Variants in VPS8 observed in about 807,000 individuals in gnomAD.
The protein encoded by VPS8 is vacuolar protein sorting-associated protein 8 homolog.
In VPS8, 129 loss-of-function variants were observed where a neutral mutation model predicts 216.4. The ratio of observed to expected loss-of-function variants is 0.60; its 90% CI spans 0.52 to 0.69. The LOEUF (loss-of-function observed/expected upper bound fraction) is 0.69, where lower values mean the gene tolerates loss of function less well. Among genes scored for constraint, VPS8 ranks in the 30% least tolerant of loss-of-function variants. VPS8 has a pLI of 0.00. For missense variants in VPS8, 1,531 were observed against 1,683.5 expected (o/e 0.91, Z 1.59); for synonymous variants, 571 against 565.4 (o/e 1.01, Z -0.14).
chr3:184,976,809 G>T lies in VPS8; in HGVS notation c.3420+5057G>T, dbSNP rs1749340320. Among the ~76,000 whole-genome samples, 3 of 152,040 alleles carry T rather than the reference G, an allele frequency of 2.0e-5. No individual in the cohort carries two copies. In the South Asian group the frequency reaches 6.2e-4, roughly 32 times the overall value. On this transcript the variant is annotated intron_variant, in intron 40 of 47. Coordinates refer to ENST00000625842, the MANE Select transcript of VPS8 (RefSeq NM_001009921.3). ...AGGACATGATTTCATTCTTTTTATG[G>T]CTGCATAGTATTCCATGGTGTATAT...
chr3:185,016,018 G>C (rs1480316067), intron 45 of VPS8, among the ~76,000 whole-genome samples: 1 of 152,144 alleles, frequency 6.6e-6, no homozygotes, highest in Non-Finnish European at 1.5e-5. Flanking sequence ...CTTGCTTTTT[G>C]ATTAGCTGCA....
At chr3:184,910,261 C>A (rs1478421149) in intron 25 of VPS8, among the ~76,000 whole-genome samples, 1 of 151,774 alleles carries the variant, frequency 6.6e-6, no homozygotes, top group Non-Finnish European at 1.5e-5. Flanking sequence ...GGCCTCCCGG[C>A]AAGATTCTCC....
intron 1 of VPS8, among the ~76,000 whole-genome samples, chr3:184,820,088 GTGT>G (rs946007291): frequency 2.6e-5 from 4 of 152,156 alleles, no homozygotes; most frequent in African/African-American, 9.7e-5. Context: ...GTTCAAACCT[GTGT>G]TGTTCAAGGA....
At chr3:184,951,249 G>C (rs531897760) in intron 36 of VPS8, among the ~76,000 whole-genome samples, 2 of 152,204 alleles carry the variant, frequency 1.3e-5, no homozygotes, top group South Asian at 4.1e-4. Context: ...ACTTTAGGAG[G>C]CTGAGGCAGG....
chr3:184,815,923 G>A (rs1716223089), intron 1 of VPS8: 1 of 151,930 alleles, frequency 6.6e-6, no homozygotes, highest in African/African-American at 2.4e-5. Context: ...AATAAAGAAG[G>A]CCATCATCTA....
intron 22 of VPS8, chr3:184,893,507 T>C (rs1005093742): frequency 1.4e-5 from 7 of 496,042 alleles, no homozygotes; most frequent in Non-Finnish European, 1.9e-5. Context: ...AATGAAAACA[T>C]GGAAAATATT....
chr3:184,983,145 TTATA>T, intron 42 of VPS8, 51 bp downstream of exon 42: 1 of 1,446,336 alleles, frequency 6.9e-7, no homozygotes, highest in Non-Finnish European at 9.3e-7. Context: ...AACATTTTAG[TTATA>T]TATAAATAAC....
At chr3:184,857,276 C>T (rs1176708796) in intron 14 of VPS8, among the ~76,000 whole-genome samples, 8 of 152,314 alleles carry the variant, frequency 5.3e-5, no homozygotes, top group Middle Eastern at 3.4e-3. Context: ...TCTGGCCAGC[C>T]GTCTGTTTTT....
chr3:185,030,627 T>C (rs537628383), intron 46 of VPS8, among the ~76,000 whole-genome samples: 88 of 152,346 alleles, frequency 5.8e-4, no homozygotes, highest in Non-Finnish European at 9.0e-4. Flanking sequence ...CAAAGGACAG[T>C]GAAGAAATAC....
At chr3:185,017,955 AT>A (rs1372842049) in intron 45 of VPS8, among the ~76,000 whole-genome samples, 1 of 151,944 alleles carries the variant, frequency 6.6e-6, no homozygotes, top group African/African-American at 2.4e-5. Flanking sequence ...AGCAGTTTTC[AT>A]TTTTTCCCTC....
Position 184,915,035 on chromosome 3 carries a change from T to C in VPS8, c.2244T>C (p.Val748=). 2 of 1,614,018 alleles carry C rather than the reference T, an allele frequency of 1.2e-6. No homozygotes were observed. The highest frequency in any genetic ancestry group is 1.7e-6 in the Non-Finnish European group (2 of 1,179,876). The change falls in exon 27 of 48, where the codon GTT becomes GTC. Residue 748 remains valine, a synonymous_variant. Coordinates refer to ENST00000625842, the MANE Select transcript of VPS8 (RefSeq NM_001009921.3). ...YPLGDIPEDL[V]PLVKNQVFEF... Reference sequence around the variant, plus strand: ...TTGGTGACATCCCTGAAGATCTGGTTCCCTTGGTTAAAAACCAGGTTGGTA... The same window carrying C: ...TTGGTGACATCCCTGAAGATCTGGTCCCCTTGGTTAAAAACCAGGTTGGTA...
intron 44 of VPS8, among the ~76,000 whole-genome samples, chr3:184,998,036 T>C (rs1156599119): frequency 2.0e-5 from 3 of 150,408 alleles, no homozygotes; most frequent in Non-Finnish European, 3.0e-5. Flanking sequence ...TCTTGAGGAG[T>C]AGTGAGTGAG....
At chr3:184,886,563 T>TC (rs1731305167) in intron 22 of VPS8, among the ~76,000 whole-genome samples, 4 of 146,338 alleles carry the variant, frequency 2.7e-5, no homozygotes, top group Non-Finnish European at 6.0e-5. Context: ...ACACACACAT[T>TC]CTTCTTTTTT....
chr3:185,051,247 G>A (rs1193662441), intron 47 of VPS8, among the ~76,000 whole-genome samples: 2 of 152,170 alleles, frequency 1.3e-5, no homozygotes, highest in Non-Finnish European at 2.9e-5. Context: ...GCCACTGACA[G>A]AACGAGGGTA....
chr3:184,838,291 ATTG>A, intron 5 of VPS8, among the ~76,000 whole-genome samples: 1 of 152,288 alleles, frequency 6.6e-6, no homozygotes, highest in Non-Finnish European at 1.5e-5. Context: ...TTATTAGGTA[ATTG>A]GTAGATAGGA....
At chr3:184,944,539 G>T (rs997551279) in intron 36 of VPS8, 1 of 985,286 alleles carries the variant, frequency 1.0e-6, no homozygotes, top group African/African-American at 1.7e-5. Context: ...AATACAAAAG[G>T]ACACGTGTTT....
At chr3:184,893,367 A>C (rs762924340) in intron 22 of VPS8, 6 of 1,192,852 alleles carry the variant, frequency 5.0e-6, no homozygotes, top group Non-Finnish European at 6.5e-6. Flanking sequence ...CATGATATAC[A>C]TATAAAGAAA....
chr3:184,909,111 G>A (rs540223945), intron 25 of VPS8, among the ~76,000 whole-genome samples: 4 of 152,280 alleles, frequency 2.6e-5, no homozygotes, highest in African/African-American at 9.6e-5. Flanking sequence ...ACTACCCCCT[G>A]TCGCTATCAA....
chr3:184,851,592 C>T (rs1724276983), intron 10 of VPS8, among the ~76,000 whole-genome samples: 1 of 152,076 alleles, frequency 6.6e-6, no homozygotes, highest in Admixed American at 6.6e-5. Context: ...TTCCTGCACT[C>T]CAGCGGACCA....
Sources: gnomAD v4.1 joint callset for allele counts (sites outside exome capture counted in the v4.1 genomes callset) on GRCh38, gnomAD v4.1.1 for gene constraint, MANE v1.5 for transcripts, NCBI Gene and HGNC (gene_info 2026-07-23, HGNC 2026-07-21) for gene names.